Variants in ARL15 observed in about 807,000 individuals in gnomAD.
The protein encoded by ARL15 is ADP-ribosylation factor-like protein 15.
Under a neutral mutation model 25.2 loss-of-function variants are expected in ARL15, and 19 were observed. That is an observed-to-expected ratio of 0.75 (90% CI 0.53 to 1.10). The LOEUF is 1.10. Among genes scored for constraint, ARL15 ranks in the 50% least tolerant of loss-of-function variants. The pLI is 0.00. For missense variants in ARL15, 220 were observed against 246.0 expected, an observed-to-expected ratio of 0.89 and a Z score of 0.71; for synonymous variants, 94 against 86.8, an observed-to-expected ratio of 1.08 and a Z score of -0.46.
intron 4 of ARL15, among the ~76,000 whole-genome samples, chr5:54,057,669 T>C (rs1750922171): frequency 6.6e-6 from 1 of 152,038 alleles, no homozygotes; most frequent in Non-Finnish European, 1.5e-5. Flanking sequence ...TAGTGAGACC[T>C]AGTCTCTACA....
chr5:54,024,566 C>T (rs1749722893), intron 4 of ARL15, among the ~76,000 whole-genome samples: 1 of 151,990 alleles, frequency 6.6e-6, no homozygotes, highest in South Asian at 2.1e-4. Flanking sequence ...ATTATGTCTC[C>T]AGGAATAAGA....
intron 4 of ARL15, among the ~76,000 whole-genome samples, chr5:53,987,893 G>C (rs1748348315): frequency 6.6e-6 from 1 of 152,182 alleles, no homozygotes; most frequent in African/African-American, 2.4e-5. Context: ...ACGAGGTCAG[G>C]AGATGGAGAC....
At chr5:54,268,772 A>C (rs182814366) in intron 1 of ARL15, among the ~76,000 whole-genome samples, 37 of 152,314 alleles carry the variant, frequency 2.4e-4, no homozygotes, top group Non-Finnish European at 4.4e-4. Flanking sequence ...ACATGCACAC[A>C]TATGTTTATG....
chr5:54,150,812 A>G (rs1485831299), intron 3 of ARL15, among the ~76,000 whole-genome samples: 2 of 151,092 alleles, frequency 1.3e-5, no homozygotes, highest in Non-Finnish European at 2.9e-5. Flanking sequence ...ATAAATAAAT[A>G]AAAAATAAAA....
intron 1 of ARL15, 78 bp downstream of exon 1, chr5:54,310,354 A>G: frequency 6.7e-7 from 1 of 1,484,940 alleles, no homozygotes; most frequent in Non-Finnish European, 9.1e-7. Context: ...GAAAGCAAAA[A>G]GGCTGCTCCT....
intron 4 of ARL15, among the ~76,000 whole-genome samples, chr5:54,104,182 T>C (rs1752520970): frequency 6.6e-6 from 1 of 152,212 alleles, no homozygotes; most frequent in African/African-American, 2.4e-5. Flanking sequence ...ACATTATGAA[T>C]AGCTTTGCAA....
intron 2 of ARL15, among the ~76,000 whole-genome samples, chr5:54,170,096 A>C (rs1579869316): frequency 6.6e-6 from 1 of 152,178 alleles, no homozygotes; most frequent in East Asian, 1.9e-4. Context: ...TTTGTAGGAA[A>C]TCCTAGTTAA....
intron 1 of ARL15, among the ~76,000 whole-genome samples, chr5:54,190,557 G>A (rs1268940631): frequency 6.6e-6 from 1 of 152,144 alleles, no homozygotes; most frequent in Non-Finnish European, 1.5e-5. Flanking sequence ...TTTTGTGTCT[G>A]GTGAGGGCCT....
chr5:54,252,437 A>G (rs574015899), intron 1 of ARL15, among the ~76,000 whole-genome samples: 186 of 152,332 alleles, frequency 1.2e-3, no homozygotes, highest in South Asian at 8.7e-3. Flanking sequence ...TTAGAAGTTC[A>G]TCTATGCTTT....
In ARL15 at chr5:54,066,024, C is replaced by A. The variant is rs539904379; in HGVS notation, c.462+47178G>T. Among the ~76,000 whole-genome samples, 4 of 152,316 alleles carry A rather than the reference C, an allele frequency of 2.6e-5. No individual in the cohort carries two copies. In the East Asian group the frequency reaches 7.7e-4, roughly 29 times the overall value. On this transcript the variant is annotated intron_variant, in intron 4 of 4. Coordinates refer to ENST00000504924, the MANE Select transcript of ARL15 (RefSeq NM_019087.3). ...CAAACTAACAGTTATTGAGTTCTTA[C>A]TCTGCTAGATGTTTTAAATACATTA...
At chr5:53,954,168 A>T (rs1321562921) in intron 4 of ARL15, among the ~76,000 whole-genome samples, 1 of 151,970 alleles carries the variant, frequency 6.6e-6, no homozygotes, top group Admixed American at 6.6e-5. Flanking sequence ...GAATTATCCT[A>T]ATGTTTGGGA....
intron 4 of ARL15, among the ~76,000 whole-genome samples, chr5:53,981,803 G>T (rs1748127945): frequency 7.1e-6 from 1 of 141,634 alleles, no homozygotes; most frequent in Admixed American, 7.1e-5. Context: ...GGAGGCTGAG[G>T]TAGGAGAATT....
rs573478948 is a variant in ARL15, at chr5:54,197,673, G to GC, written c.49-25746_49-25745insG. Among the ~76,000 whole-genome samples, 2,023 of 152,120 alleles carry GC rather than the reference G, an allele frequency of 0.013. 79 individuals carry two copies. In the East Asian group the frequency reaches 0.16, roughly 12 times the overall value. On this transcript the variant is annotated intron_variant, in intron 1 of 4. Transcript: ENST00000504924. ...TAATCAATAGCTTACCAACCAAAAA[G>GC]AGTCCAGGACCAGATGGATTCACAG...
intron 1 of ARL15, among the ~76,000 whole-genome samples, chr5:54,234,483 A>T (rs1756750326): frequency 6.6e-6 from 1 of 152,194 alleles, no homozygotes; most frequent in South Asian, 2.1e-4. Context: ...CATCTTGCCC[A>T]TGAAGCTTCC....
At chr5:53,929,355 A>G (rs1043010206) in intron 4 of ARL15, among the ~76,000 whole-genome samples, 1 of 152,202 alleles carries the variant, frequency 6.6e-6, no homozygotes, top group Admixed American at 6.5e-5. Flanking sequence ...TGAGAAAAGT[A>G]CAACCCGAAT....
chr5:54,125,962 C>T (rs1753239100), intron 3 of ARL15, among the ~76,000 whole-genome samples: 1 of 152,028 alleles, frequency 6.6e-6, no homozygotes, highest in African/African-American at 2.4e-5. Context: ...TCTTAAAAAG[C>T]AACATTAAAA....
At chr5:53,946,430 A>G (rs1456096214) in intron 4 of ARL15, among the ~76,000 whole-genome samples, 1 of 144,674 alleles carries the variant, frequency 6.9e-6, no homozygotes, top group Non-Finnish European at 1.5e-5. Context: ...AGTCTGGGCG[A>G]CAGAGCAAGA....
intron 4 of ARL15, among the ~76,000 whole-genome samples, chr5:53,907,528 T>TA (rs1745311301): frequency 8.3e-6 from 1 of 119,968 alleles, no homozygotes; most frequent in Non-Finnish European, 1.7e-5. Flanking sequence ...GGCGGACTCT[T>TA]ACTCTGTCAT....
intron 1 of ARL15, among the ~76,000 whole-genome samples, chr5:54,303,602 G>A (rs1758668163): frequency 6.8e-6 from 1 of 146,876 alleles, no homozygotes; most frequent in Non-Finnish European, 1.5e-5. Flanking sequence ...AGGGGACTGA[G>A]TAAGGAGATC....
Sources: allele counts gnomAD v4.1 joint callset (sites outside exome capture counted in the v4.1 genomes callset), GRCh38; gene constraint gnomAD v4.1.1; transcripts MANE v1.5; gene names NCBI Gene and HGNC (gene_info 2026-07-23, HGNC 2026-07-21).